PLCG2: variants seen among roughly 807,000 people sequenced by gnomAD.
The protein encoded by PLCG2 is phospholipase C gamma 2.
Under a neutral mutation model 175.6 loss-of-function variants are expected in PLCG2, and 69 were observed. That is an observed-to-expected ratio of 0.39 (90% CI 0.32 to 0.48). PLCG2 has a LOEUF of 0.48. Among genes scored for constraint, PLCG2 ranks in the 20% least tolerant of loss-of-function variants. PLCG2 has a pLI of 0.91. For missense variants in PLCG2, 1,798 were observed against 1,650.9 expected (o/e 1.09, Z -1.54); for synonymous variants, 827 against 624.0 (o/e 1.33, Z -4.85).
rs79651141 is a variant in PLCG2, at chr16:81,862,072, A to G, written c.479+2909A>G. Among the ~76,000 whole-genome samples, 317 of 152,346 alleles carry G rather than the reference A, an allele frequency of 2.1e-3. 7 individuals carry two copies. In the East Asian group the frequency reaches 0.054, roughly 26 times the overall value. On this transcript the variant is annotated intron_variant, in intron 5 of 32. Coordinates refer to ENST00000564138, the MANE Select transcript of PLCG2 (RefSeq NM_002661.5). ...GGGAAGCCTGGAGGGAGCTTTGCAA[A>G]AGAAACTTTGACCAAGATGCCAATG...
chr16:81,739,662 A>G (rs12444189), intron 1 of PLCG2: 78,648 of 152,216 alleles, frequency 0.52, 22,380 homozygotes, highest in East Asian at 0.81. Flanking sequence ...GTGGTTAAGC[A>G]CGTGGACTTG....
At chr16:81,944,574 C>T (rs958790129) in intron 30 of PLCG2, among the ~76,000 whole-genome samples, 2 of 152,198 alleles carry the variant, frequency 1.3e-5, no homozygotes, top group African/African-American at 4.8e-5. Flanking sequence ...AAGCAATCCT[C>T]CTGCCTCAGT....
At chr16:81,808,876 G>T (rs1195302954) in intron 2 of PLCG2, among the ~76,000 whole-genome samples, 1 of 152,204 alleles carries the variant, frequency 6.6e-6, no homozygotes, top group South Asian at 2.1e-4. Flanking sequence ...GCTTATCAGA[G>T]CATGCTGGAG....
In PLCG2 at chr16:81,876,623, T is replaced by C. The variant is rs563162711; in HGVS notation, c.649-4287T>C. 2.6e-5 allele frequency among the ~76,000 whole-genome samples: 4 copies of C among 152,328 alleles called. No homozygotes were observed. In the East Asian group the frequency reaches 5.8e-4, roughly 22 times the overall value. On this transcript the variant is annotated intron_variant, in intron 7 of 32. Coordinates refer to ENST00000564138, the MANE Select transcript of PLCG2 (RefSeq NM_002661.5). ...CCAGAAGAAATTAGTTTATCTATTA[T>C]TTTAGTCACTCATCCAGTAAATGTG...
chr16:81,753,700 C>A (rs1212112075), intron 1 of PLCG2, among the ~76,000 whole-genome samples: 1 of 152,210 alleles, frequency 6.6e-6, no homozygotes, highest in Non-Finnish European at 1.5e-5. Flanking sequence ...TGAGCCACTG[C>A]ACCCAGCAGT....
intron 2 of PLCG2, among the ~76,000 whole-genome samples, chr16:81,832,414 C>T (rs750650365): frequency 5.9e-5 from 9 of 152,170 alleles, no homozygotes; most frequent in Non-Finnish European, 1.0e-4. Context: ...TTTTGAGACA[C>T]GATCTCACTC....
intron 9 of PLCG2, among the ~76,000 whole-genome samples, chr16:81,886,058 C>A (rs552965106): frequency 6.6e-6 from 1 of 152,180 alleles, no homozygotes; most frequent in Non-Finnish European, 1.5e-5. Flanking sequence ...CATTATTTTC[C>A]TTCCACTAAA....
At chr16:81,873,889 A>G (rs572749066) in intron 7 of PLCG2, among the ~76,000 whole-genome samples, 1 of 152,324 alleles carries the variant, frequency 6.6e-6, no homozygotes, top group East Asian at 1.9e-4. Context: ...AGGTATTTCA[A>G]CCTGTACTTT....
rs1906582717 is a variant in PLCG2 at position 81,854,493 on chromosome 16, T to G, written c.243T>G (p.Asp81Glu). The change falls in exon 3 of 33, where the codon GAT (aspartate) becomes GAG (glutamate). Residue 81 changes from aspartate (D) to glutamate (E), a missense_variant. Physicochemically the swap from Asp to Glu is conservative, Grantham distance 45 (BLOSUM62 2). Coordinates refer to ENST00000564138, the MANE Select transcript of PLCG2 (RefSeq NM_002661.5). The stretch of plus-strand genomic sequence containing the variant: ...TCCGCCCAGGGAAGAACTCCAAAGA[T>G]TTCGAGCGAGCAAAAGCAGTTCGCC... ...KEIRPGKNSK[D>E]FERAKAVRQK... 4.3e-6 allele frequency: 7 copies of G among 1,614,116 alleles called. No homozygotes were observed. The highest frequency in any genetic ancestry group is 5.1e-6 in the Non-Finnish European group (6 of 1,179,932).
chr16:81,917,566 C>G (rs1298194136), intron 19 of PLCG2, among the ~76,000 whole-genome samples: 1 of 152,180 alleles, frequency 6.6e-6, no homozygotes, highest in Non-Finnish European at 1.5e-5. Context: ...TCTCCTTTAG[C>G]TAATAGCCAT....
At chr16:81,774,845 A>T (rs1399693989), upstream of PLCG2, among the ~76,000 whole-genome samples, 1 of 151,924 alleles carries the variant, frequency 6.6e-6, no homozygotes, top group Non-Finnish European at 1.5e-5. Context: ...CCTGGGCTTA[A>T]GTGATCCTCT....
At chr16:81,844,525 G>C (rs1443049103) in intron 2 of PLCG2, among the ~76,000 whole-genome samples, 1 of 151,408 alleles carries the variant, frequency 6.6e-6, no homozygotes, top group Non-Finnish European at 1.5e-5. Context: ...TTTTGCCATG[G>C]TGGCCAGGCT....
At chr16:81,884,493 C>T (rs567618953) in intron 9 of PLCG2, among the ~76,000 whole-genome samples, 2 of 152,244 alleles carry the variant, frequency 1.3e-5, no homozygotes, top group East Asian at 3.9e-4. Flanking sequence ...AGCTGCACAG[C>T]CACCGACAGG....
At chr16:81,765,721 G>C (rs1013637556) in intron 2 of PLCG2, among the ~76,000 whole-genome samples, 1 of 151,394 alleles carries the variant, frequency 6.6e-6, no homozygotes, top group Admixed American at 6.6e-5. Context: ...TATGGTGTTT[G>C]TTATAGCAGC....
At chr16:81,762,120 C>T (rs1910053999) in intron 2 of PLCG2, among the ~76,000 whole-genome samples, 1 of 152,072 alleles carries the variant, frequency 6.6e-6, no homozygotes, top group African/African-American at 2.4e-5. Flanking sequence ...CAGGCATGAG[C>T]CACCACGCAT....
chr16:81,806,137 C>G (rs1336942590), intron 2 of PLCG2, among the ~76,000 whole-genome samples: 1 of 151,764 alleles, frequency 6.6e-6, no homozygotes, highest in Non-Finnish European at 1.5e-5. Context: ...TGTTTTATAC[C>G]TATAACACAT....
At chr16:81,915,505 A>G (rs945592609) in intron 19 of PLCG2, among the ~76,000 whole-genome samples, 1 of 152,202 alleles carries the variant, frequency 6.6e-6, no homozygotes, top group African/African-American at 2.4e-5. Context: ...CGTATTCCAG[A>G]CCTGTTCCCA....
Position 81,894,651 on chromosome 16 carries a change from T to C in PLCG2, c.1072+857T>C, listed in dbSNP as rs1908795151. 2.0e-5 allele frequency among the ~76,000 whole-genome samples: 3 copies of C among 152,128 alleles called. No individual in the cohort carries two copies. The South Asian group carries it at 6.2e-4, about 31-fold the overall frequency. On this transcript the variant is annotated intron_variant, in intron 12 of 32. Coordinates refer to ENST00000564138, the MANE Select transcript of PLCG2 (RefSeq NM_002661.5). ...ACTGTGAGAGGTCGAGGTGGGCGGATCACTTGAGATCAGGAGCTTGAGATC... is the reference window on the plus strand; with the variant it reads ...ACTGTGAGAGGTCGAGGTGGGCGGACCACTTGAGATCAGGAGCTTGAGATC...
At chr16:81,831,776 G>C (rs1366371735) in intron 2 of PLCG2, among the ~76,000 whole-genome samples, 1 of 152,176 alleles carries the variant, frequency 6.6e-6, no homozygotes, top group African/African-American at 2.4e-5. Context: ...TGCCTTGTCT[G>C]AAAGGGAAGG....
Sources: allele counts gnomAD v4.1 joint callset (sites outside exome capture counted in the v4.1 genomes callset), GRCh38; gene constraint gnomAD v4.1.1; transcripts MANE v1.5; gene names NCBI Gene and HGNC (gene_info 2026-07-23, HGNC 2026-07-21).